The following SAMD3 variants were observed in gnomAD, a reference collection of about 807,000 sequenced individuals.
SAMD3 encodes sterile alpha motif domain containing 3, also known as sterile alpha motif domain-containing protein 3.
A neutral mutation model predicts 58.5 loss-of-function variants in SAMD3; 63 were observed. The ratio of observed to expected loss-of-function variants is 1.08; its 90% CI spans 0.88 to 1.33. The LOEUF (loss-of-function observed/expected upper bound fraction) is 1.33. Among genes scored for constraint, SAMD3 ranks in the 40% most tolerant of loss-of-function variants. The pLI is 0.00. For synonymous variants in SAMD3, 220 were observed against 210.3 expected (o/e 1.05, Z -0.40); for missense variants, 604 against 608.4 (o/e 0.99, Z 0.08).
intron 1 of SAMD3, among the ~76,000 whole-genome samples, chr6:130,221,044 C>T (rs879410191): frequency 1.8e-4 from 28 of 151,660 alleles, no homozygotes; most frequent in East Asian, 3.9e-4. Flanking sequence ...TTAGTAGAGA[C>T]GGGGTTTCAC....
intron 2 of SAMD3, among the ~76,000 whole-genome samples, chr6:130,287,670 G>A (rs2114958310): frequency 6.6e-6 from 1 of 152,266 alleles, no homozygotes; most frequent in South Asian, 2.1e-4. Flanking sequence ...GTGTGGCCGG[G>A]CGCAGTGGCT....
At chr6:130,308,470 G>A (rs1243552537) in intron 2 of SAMD3, among the ~76,000 whole-genome samples, 1 of 140,554 alleles carries the variant, frequency 7.1e-6, no homozygotes, top group Non-Finnish European at 1.5e-5. Flanking sequence ...ATGTCCTTGG[G>A]GAGAAAGCTC....
intron 8 of SAMD3, 179 bp downstream of exon 8, chr6:130,175,662 T>A: frequency 2.3e-6 from 1 of 432,836 alleles, no homozygotes; most frequent in Non-Finnish European, 4.0e-6. Flanking sequence ...ATTCTTTTCT[T>A]GGAAATATCA....
intron 5 of SAMD3, among the ~76,000 whole-genome samples, chr6:130,203,739 C>A (rs1467515179): frequency 6.6e-6 from 1 of 152,206 alleles, no homozygotes; most frequent in East Asian, 1.9e-4. Flanking sequence ...ACTTCCCCAA[C>A]CCAGAGCTCT....
At chr6:130,259,274 T>C (rs1376600723) in intron 2 of SAMD3, among the ~76,000 whole-genome samples, 1 of 152,164 alleles carries the variant, frequency 6.6e-6, no homozygotes, top group South Asian at 2.1e-4. Flanking sequence ...AAGTTCAAAA[T>C]TGGGCATCTG....
At position 130,221,729 on chromosome 6, in the gene SAMD3, T is replaced by TGTC. The variant is rs140463259; in HGVS notation, c.-68+962_-68+964dup. On this transcript the variant is annotated intron_variant, in intron 1 of 11. Coordinates refer to ENST00000439090, the MANE Select transcript of SAMD3 (RefSeq NM_001017373.4). ...GGAGGAAGAGGAGAGTTGGTCTTGC[T>TGTC]GTCTCAGGGGTGGCAGAGGCAGAAG... The TGTC allele has an allele frequency of 5.7e-3, 866 of 152,464 alleles. 24 individuals carry two copies. The highest frequency in any genetic ancestry group is 0.048 in the East Asian group (250 of 5,186). The allele number at this position is 152,464 out of a possible 1,614,324, so 9.4% of individuals were successfully genotyped here. A position where few individuals can be genotyped will look rare whatever the true frequency, so the allele number is the denominator to read the frequency against.
intron 1 of SAMD3, among the ~76,000 whole-genome samples, chr6:130,338,944 G>C (rs1446314500): frequency 6.6e-6 from 1 of 152,162 alleles, no homozygotes; most frequent in Admixed American, 6.5e-5. Flanking sequence ...TGTTGGGAAG[G>C]CATGATTGGT....
chr6:130,274,703 T>A (rs1464151779), intron 2 of SAMD3, among the ~76,000 whole-genome samples: 4 of 152,120 alleles, frequency 2.6e-5, no homozygotes, highest in Non-Finnish European at 5.9e-5. Flanking sequence ...GCACTGCAAC[T>A]TCTTAATTGG....
Position 130,216,605 on chromosome 6 carries a change from A to C in SAMD3, c.-56T>G, listed in dbSNP as rs1386859440. ...GTGACAAGCTGGAAAGATAGTCTTC[A>C]AGAATCATTTCCTAGAAAACAAGTA... On this transcript the variant is annotated 5_prime_UTR_variant, in exon 2 of 12. Coordinates refer to ENST00000439090, the MANE Select transcript of SAMD3 (RefSeq NM_001017373.4). The C allele has an allele frequency of 6.6e-6, 1 of 152,250 alleles. No individual in the cohort carries two copies. The highest frequency in any genetic ancestry group is 1.5e-5 in the Non-Finnish European group (1 of 68,044). 9.4% of individuals were successfully genotyped at this position (152,250 alleles called of 1,614,324 possible). A position where few individuals can be genotyped will look rare whatever the true frequency, so the allele number is the denominator to read the frequency against.
At chr6:130,259,091 G>A (rs1348283723) in intron 2 of SAMD3, among the ~76,000 whole-genome samples, 1 of 152,068 alleles carries the variant, frequency 6.6e-6, no homozygotes, top group Non-Finnish European at 1.5e-5. Flanking sequence ...AGAGGATTAA[G>A]GAGAAATCTC....
upstream of SAMD3, among the ~76,000 whole-genome samples, chr6:130,223,552 G>A (rs577730865): frequency 6.6e-6 from 1 of 152,188 alleles, no homozygotes; most frequent in Non-Finnish European, 1.5e-5. Flanking sequence ...GTCAAGCTGG[G>A]CTCTCTTGAT....
intron 1 of SAMD3, among the ~76,000 whole-genome samples, chr6:130,329,863 A>G (rs755014472): frequency 1.3e-4 from 20 of 150,556 alleles, no homozygotes; most frequent in Non-Finnish European, 2.7e-4. Context: ...GGAGTTGAAC[A>G]ATGAGAACAC....
intron 2 of SAMD3, among the ~76,000 whole-genome samples, chr6:130,309,306 T>C (rs1312467757): frequency 2.0e-5 from 3 of 152,322 alleles, no homozygotes; most frequent in African/African-American, 4.8e-5. Flanking sequence ...CAGCTCTAGC[T>C]TGTATGACTT....
intron 1 of SAMD3, among the ~76,000 whole-genome samples, chr6:130,337,625 C>A (rs1777142232): frequency 6.6e-6 from 1 of 152,166 alleles, no homozygotes; most frequent in Non-Finnish European, 1.5e-5. Flanking sequence ...TTCTTAGAGA[C>A]TTGTTACATG....
intron 7 of SAMD3, among the ~76,000 whole-genome samples, chr6:130,177,622 C>T (rs1425363955): frequency 6.6e-6 from 1 of 152,188 alleles, no homozygotes; most frequent in African/African-American, 2.4e-5. Context: ...TGGATCTCTC[C>T]TTTCTTCACT....
chr6:130,232,289 G>A (rs944248897), intron 2 of SAMD3, among the ~76,000 whole-genome samples: 1 of 152,168 alleles, frequency 6.6e-6, no homozygotes. Flanking sequence ...ATTGGACAAG[G>A]CCATTATAGA....
chr6:130,264,844 C>T (rs1053951884), intron 2 of SAMD3, among the ~76,000 whole-genome samples: 4 of 151,614 alleles, frequency 2.6e-5, no homozygotes, highest in African/African-American at 9.7e-5. Flanking sequence ...CCCTTTATAC[C>T]CTATGTGTCA....
chr6:130,273,638 C>T (rs1306060694), intron 2 of SAMD3, among the ~76,000 whole-genome samples: 1 of 149,996 alleles, frequency 6.7e-6, no homozygotes, highest in Admixed American at 6.7e-5. Context: ...TTCTCTTTCT[C>T]TTTTTCTTTT....
At chr6:130,163,019 C>T (rs1328522415) in intron 8 of SAMD3, among the ~76,000 whole-genome samples, 2 of 152,156 alleles carry the variant, frequency 1.3e-5, no homozygotes, top group East Asian at 3.8e-4. Flanking sequence ...CTCAAGCAGT[C>T]CTCCTGCATT....
Sources: gnomAD v4.1 joint callset for allele counts (sites outside exome capture counted in the v4.1 genomes callset) on GRCh38, gnomAD v4.1.1 for gene constraint, MANE v1.5 for transcripts, NCBI Gene and HGNC (gene_info 2026-07-23, HGNC 2026-07-21) for gene names.